TGFBR3: variants seen among roughly 807,000 people sequenced by gnomAD.
The protein encoded by TGFBR3 is transforming growth factor beta receptor type 3.
Under a neutral mutation model 87.9 loss-of-function variants are expected in TGFBR3, and 46 were observed. The ratio of observed to expected loss-of-function variants is 0.52; its 90% CI spans 0.41 to 0.67. The LOEUF (loss-of-function observed/expected upper bound fraction) is 0.67. Ranked by LOEUF, TGFBR3 falls within the 30% of genes least tolerant of loss-of-function variation. The pLI, the probability that TGFBR3 is intolerant of heterozygous loss-of-function variation, is 0.00. For missense variants in TGFBR3, 866 were observed against 1,041.9 expected (o/e 0.83, Z 2.32); for synonymous variants, 381 against 391.6 (o/e 0.97, Z 0.32).
chr1:91,808,634 T>A (rs1675922990), intron 2 of TGFBR3, among the ~76,000 whole-genome samples: 1 of 151,980 alleles, frequency 6.6e-6, no homozygotes, highest in African/African-American at 2.4e-5. Flanking sequence ...CCCGGCTAAT[T>A]TTTGTATTTT....
chr1:91,824,542 G>A (rs1676562380), intron 2 of TGFBR3, among the ~76,000 whole-genome samples: 1 of 152,162 alleles, frequency 6.6e-6, no homozygotes, highest in South Asian at 2.1e-4. Flanking sequence ...TATTTTCATT[G>A]ATGAACATCC....
chr1:91,717,702 C>CAAA (rs55857175), intron 10 of TGFBR3, among the ~76,000 whole-genome samples: 2 of 139,840 alleles, frequency 1.4e-5, no homozygotes, highest in South Asian at 4.7e-4. Flanking sequence ...AAAAAAAAAA[C>CAAA]AAACTGCCTT....
At chr1:91,867,641 G>A (rs568445923) in intron 1 of TGFBR3, among the ~76,000 whole-genome samples, 175 of 152,272 alleles carry the variant, frequency 1.1e-3, no homozygotes, top group Non-Finnish European at 2.2e-3. Context: ...ACCCACCCTT[G>A]CAATACTCTA....
intron 4 of TGFBR3, among the ~76,000 whole-genome samples, chr1:91,757,224 G>A (rs183818807): frequency 1.5e-4 from 23 of 152,070 alleles, no homozygotes; most frequent in East Asian, 5.8e-4. Flanking sequence ...ATAGAATGTC[G>A]TTCAATTTGG....
rs1177399733 is a variant in TGFBR3 at position 91,768,771 on chromosome 1, G to A, written c.247-10021C>T. ...GCTGCTATGTTTCCTGTACTGCCTGGAGAATTGTGAGCCAATTAAACCTCT... is the reference window on the plus strand; with the variant it reads ...GCTGCTATGTTTCCTGTACTGCCTGAAGAATTGTGAGCCAATTAAACCTCT... On this transcript the variant is annotated intron_variant, in intron 3 of 16. Transcript: ENST00000212355. Among the ~76,000 whole-genome samples, 9 of 150,352 alleles carry A rather than the reference G, an allele frequency of 6.0e-5. No individual in the cohort carries two copies. In the East Asian group the frequency reaches 1.7e-3, roughly 29 times the overall value.
intron 3 of TGFBR3, among the ~76,000 whole-genome samples, chr1:91,786,581 T>A (rs561596617): frequency 1.9e-4 from 29 of 151,962 alleles, no homozygotes; most frequent in Non-Finnish European, 4.1e-4. Flanking sequence ...TGAAACCCCA[T>A]CTCTACTAAA....
Position 91,845,946 on chromosome 1 carries a change from G to A in TGFBR3, c.61+15525C>T, listed in dbSNP as rs111444109. Among the ~76,000 whole-genome samples, 712 of 152,250 alleles carry A rather than the reference G, an allele frequency of 4.7e-3. 3 individuals are homozygous for A. The highest frequency in any genetic ancestry group is 0.016 in the African/African-American group (660 of 41,534). Reference sequence around the variant, plus strand: ...CCTCTATTTAAGAAGAGGCCCTTGCGAAGAATTTATTTAGTTAATGAAAGT... The same window carrying A: ...CCTCTATTTAAGAAGAGGCCCTTGCAAAGAATTTATTTAGTTAATGAAAGT... On this transcript the variant is annotated intron_variant, in intron 2 of 16. Transcript: ENST00000212355.
rs1383314383 is a variant in TGFBR3 at position 91,727,689 on chromosome 1, A to C, written c.855T>G (p.Ser285=). The change falls in exon 7 of 17, where the codon TCT becomes TCG. Residue 285 remains serine (S), a synonymous_variant. Transcript: ENST00000212355. ...TTTTCAGGCTTCCCTTAACATCAAA[A>C]GATTTGATCACCCAGTTGACAGACT... ...CKKSVNWVIK[S]FDVKGSLKII... 1 of 1,614,000 alleles carries C rather than the reference A, an allele frequency of 6.2e-7. No homozygotes were observed. The highest frequency in any genetic ancestry group is 1.3e-5 in the African/African-American group (1 of 74,932).
chr1:91,800,101 C>G (rs2101012165), intron 2 of TGFBR3, among the ~76,000 whole-genome samples: 1 of 151,652 alleles, frequency 6.6e-6, no homozygotes, highest in East Asian at 2.0e-4. Flanking sequence ...TTTACAGAGA[C>G]CCACTGGAGG....
chr1:91,893,705 A>G (rs1679492481), intron 2 of TGFBR3, among the ~76,000 whole-genome samples: 1 of 151,650 alleles, frequency 6.6e-6, no homozygotes, highest in Admixed American at 6.6e-5. Context: ...TTTTCCTGAC[A>G]AGGATAATTA....
intron 4 of TGFBR3, among the ~76,000 whole-genome samples, chr1:91,756,517 T>C (rs113560716): frequency 5.6e-4 from 85 of 152,334 alleles, no homozygotes; most frequent in African/African-American, 2.0e-3. Context: ...ATCTACACTA[T>C]GGTACTGTAG....
chr1:91,790,643 G>A (rs1215865730), intron 3 of TGFBR3, among the ~76,000 whole-genome samples: 3 of 152,126 alleles, frequency 2.0e-5, no homozygotes, highest in Non-Finnish European at 2.9e-5. Flanking sequence ...TGTGTGTGAG[G>A]GGTTTCCTTT....
chr1:91,684,760 G>C (rs958420228), intron 16 of TGFBR3, among the ~76,000 whole-genome samples: 19 of 152,136 alleles, frequency 1.2e-4, no homozygotes, highest in Non-Finnish European at 8.8e-5. Context: ...AATGGCTCTA[G>C]GTAGGGAAAA....
chr1:91,834,014 A>G (rs1676963688), intron 2 of TGFBR3, among the ~76,000 whole-genome samples: 1 of 152,218 alleles, frequency 6.6e-6, no homozygotes, highest in African/African-American at 2.4e-5. Flanking sequence ...TTTGCAAATT[A>G]CCTAAGAAAA....
intron 3 of TGFBR3, among the ~76,000 whole-genome samples, chr1:91,789,489 C>G (rs1012007627): frequency 6.6e-6 from 1 of 152,200 alleles, no homozygotes; most frequent in African/African-American, 2.4e-5. Context: ...GGCAACTTTA[C>G]AGCATCTGGA....
intron 1 of TGFBR3, among the ~76,000 whole-genome samples, chr1:91,903,937 G>C (rs1258878141): frequency 6.6e-6 from 1 of 152,052 alleles, no homozygotes; most frequent in Non-Finnish European, 1.5e-5. Context: ...ACTTTGGGAG[G>C]CCTAGGCGGG....
At chr1:91,739,326 C>T (rs752736833) in intron 4 of TGFBR3, among the ~76,000 whole-genome samples, 1 of 152,122 alleles carries the variant, frequency 6.6e-6, no homozygotes, top group Non-Finnish European at 1.5e-5. Flanking sequence ...ACCTAACCCC[C>T]CAAGGTCTTT....
In TGFBR3 at chr1:91,843,863, A is replaced by G. The variant is rs1228593891; in HGVS notation, c.61+17608T>C. On this transcript the variant is annotated intron_variant, in intron 2 of 16. Transcript: ENST00000212355. ...AATTACTTTCCCTAAATAAAGGTGC[A>G]GCAACCCAACAAAGTTACTCTTCAT... Among the ~76,000 whole-genome samples, 8 of 152,362 alleles carry G rather than the reference A, an allele frequency of 5.3e-5. No individual in the cohort carries two copies. The East Asian group carries it at 1.5e-3, about 29-fold the overall frequency.
At chr1:91,833,942 T>C (rs1194140321) in intron 2 of TGFBR3, among the ~76,000 whole-genome samples, 1 of 152,230 alleles carries the variant, frequency 6.6e-6, no homozygotes, top group Non-Finnish European at 1.5e-5. Flanking sequence ...TCCTTAATCA[T>C]CTGCTCAGAA....
Sources: allele counts gnomAD v4.1 joint callset (sites outside exome capture counted in the v4.1 genomes callset), GRCh38; gene constraint gnomAD v4.1.1; transcripts MANE v1.5; gene names NCBI Gene and HGNC (gene_info 2026-07-23, HGNC 2026-07-21).